PPM1L: variants seen among roughly 807,000 people sequenced by gnomAD.
PPM1L encodes protein phosphatase, Mg2+/Mn2+ dependent 1L.
A neutral mutation model predicts 31.4 loss-of-function variants in PPM1L; 13 were observed. That is an observed-to-expected ratio of 0.41 (90% CI 0.27 to 0.66). The LOEUF is 0.66. Ranked by LOEUF, PPM1L falls within the 30% of genes least tolerant of loss-of-function variation. The pLI, the probability that PPM1L is intolerant of heterozygous loss-of-function variation, is 0.29. For missense variants in PPM1L, 326 were observed against 453.7 expected (o/e 0.72, Z 2.56); for synonymous variants, 184 against 175.4 (o/e 1.05, Z -0.39).
intron 2 of PPM1L, among the ~76,000 whole-genome samples, chr3:160,980,408 G>A (rs115691112): frequency 2.0e-5 from 3 of 152,028 alleles, no homozygotes; most frequent in Non-Finnish European, 2.9e-5. Flanking sequence ...CAGGCACAGT[G>A]TCTCACGCCT....
In PPM1L at chr3:160,880,049, C is replaced by T. The variant is rs557701388; in HGVS notation, c.400-81687C>T. 8.5e-5 allele frequency among the ~76,000 whole-genome samples: 13 copies of T among 152,252 alleles called. No individual in the cohort carries two copies. The South Asian group carries it at 2.7e-3, about 32-fold the overall frequency. On this transcript the variant is annotated intron_variant, in intron 1 of 3. Coordinates refer to ENST00000498165, the MANE Select transcript of PPM1L (RefSeq NM_139245.4). ...AAAATGTCCACTTCTGTAAAAAGTG[C>T]TACCTGGTAGCACTTCTGATGTCAT... is the stretch of plus-strand genomic sequence containing the variant.
rs1164120248 is a variant in PPM1L at position 161,074,216 on chromosome 3, C to G, written c.*5059C>G. On this transcript the variant is annotated 3_prime_UTR_variant, in exon 4 of 4. Coordinates refer to ENST00000498165, the MANE Select transcript of PPM1L (RefSeq NM_139245.4). ...ATTTGAAATCAATTAGAGCTCATAC[C>G]TTCTAAAACTCCTGTCCCATATCAT... 6.6e-6 allele frequency: 1 copy of G among 152,130 alleles called. No individual in the cohort carries two copies. The highest frequency in any genetic ancestry group is 1.5e-5 in the Non-Finnish European group (1 of 68,016). 9.4% of individuals were successfully genotyped at this position (152,130 alleles called of 1,614,324 possible). A position where few individuals can be genotyped will look rare whatever the true frequency, so the allele number is the denominator to read the frequency against.
At chr3:160,913,975 G>A (rs1714066255) in intron 1 of PPM1L, among the ~76,000 whole-genome samples, 1 of 152,128 alleles carries the variant, frequency 6.6e-6, no homozygotes, top group Non-Finnish European at 1.5e-5. Context: ...TGTATGTTAA[G>A]TATATGTTTA....
Position 160,774,353 on chromosome 3 carries a change from C to T in PPM1L, c.399+17646C>T, listed in dbSNP as rs182599061. ...CTGCCACCATGCTAATTCAGGCTTT[C>T]AACACTTTACACTAGGATTGTGACA... is the stretch of plus-strand genomic sequence containing the variant. On this transcript the variant is annotated intron_variant, in intron 1 of 3. Coordinates refer to ENST00000498165, the MANE Select transcript of PPM1L (RefSeq NM_139245.4). Among the ~76,000 whole-genome samples, 250 of 152,262 alleles carry T rather than the reference C, an allele frequency of 1.6e-3. 1 individual carries two copies. The highest frequency in any genetic ancestry group is 2.8e-3 in the Non-Finnish European group (190 of 68,002).
chr3:160,954,615 C>G (rs892212415), intron 1 of PPM1L, among the ~76,000 whole-genome samples: 12 of 152,178 alleles, frequency 7.9e-5, no homozygotes, highest in African/African-American at 2.9e-4. Context: ...CCGCCCACCT[C>G]AGCCTCCCAA....
chr3:160,953,537 T>C (rs368385316), intron 1 of PPM1L, among the ~76,000 whole-genome samples: 16 of 152,366 alleles, frequency 1.1e-4, no homozygotes, highest in African/African-American at 3.6e-4. Flanking sequence ...ACACTTTTTT[T>C]CCCAGAGAAA....
intron 2 of PPM1L, among the ~76,000 whole-genome samples, chr3:161,000,208 G>T (rs573511305): frequency 2.0e-4 from 31 of 152,192 alleles, no homozygotes; most frequent in Non-Finnish European, 2.2e-4. Flanking sequence ...GTAATTAGAG[G>T]TTAGGTGATA....
chr3:161,066,394 T>G (rs1201563452), intron 3 of PPM1L, among the ~76,000 whole-genome samples: 5 of 151,826 alleles, frequency 3.3e-5, no homozygotes, highest in Admixed American at 3.3e-4. Context: ...AAAAAAATAG[T>G]AAAAGTAAGT....
intron 1 of PPM1L, among the ~76,000 whole-genome samples, chr3:160,856,458 T>C (rs989508170): frequency 1.3e-5 from 2 of 152,204 alleles, no homozygotes; most frequent in South Asian, 2.1e-4. Flanking sequence ...ATATACAGCA[T>C]AGAACACGAC....
chr3:160,914,076 C>A (rs1714069579), intron 1 of PPM1L, among the ~76,000 whole-genome samples: 1 of 152,162 alleles, frequency 6.6e-6, no homozygotes, highest in East Asian at 1.9e-4. Flanking sequence ...TCAAGTTCTT[C>A]CACATCTTTG....
chr3:160,974,132 T>A (rs1282615366), intron 2 of PPM1L, among the ~76,000 whole-genome samples: 1 of 149,964 alleles, frequency 6.7e-6, no homozygotes, highest in Admixed American at 6.7e-5. Context: ...TTTGGTTTTT[T>A]GTTCTTGCGA....
At chr3:160,894,640 C>G (rs558735772) in intron 1 of PPM1L, among the ~76,000 whole-genome samples, 3 of 152,146 alleles carry the variant, frequency 2.0e-5, no homozygotes, top group Non-Finnish European at 4.4e-5. Context: ...AGTTAGGAAC[C>G]CTGTAATTCC....
At chr3:160,916,816 A>G (rs1007202092) in intron 1 of PPM1L, among the ~76,000 whole-genome samples, 4 of 152,144 alleles carry the variant, frequency 2.6e-5, no homozygotes, top group African/African-American at 9.7e-5. Flanking sequence ...GATTAAGTCC[A>G]TGGAGCTTAT....
intron 1 of PPM1L, among the ~76,000 whole-genome samples, chr3:160,817,474 T>A (rs1175160356): frequency 2.6e-5 from 4 of 152,088 alleles, no homozygotes; most frequent in Non-Finnish European, 5.9e-5. Flanking sequence ...TGGATGTATA[T>A]GATTACCAAC....
intron 1 of PPM1L, among the ~76,000 whole-genome samples, chr3:160,816,090 T>G (rs1712986589): frequency 6.6e-6 from 1 of 152,156 alleles, no homozygotes; most frequent in African/African-American, 2.4e-5. Flanking sequence ...GATCTCTTAA[T>G]TTTTCCTTCA....
At chr3:160,873,634 GT>G (rs1341586067) in intron 1 of PPM1L, among the ~76,000 whole-genome samples, 3 of 151,892 alleles carry the variant, frequency 2.0e-5, no homozygotes, top group Non-Finnish European at 4.4e-5. Flanking sequence ...TCCAACCTCT[GT>G]CCCCCGGGTT....
chr3:161,056,379 G>T (rs1212936421), intron 2 of PPM1L, among the ~76,000 whole-genome samples: 1 of 151,994 alleles, frequency 6.6e-6, no homozygotes, highest in African/African-American at 2.4e-5. Flanking sequence ...CTCTGTAACG[G>T]GATTGTAAGT....
chr3:160,967,067 G>A (rs1576749308), intron 2 of PPM1L, among the ~76,000 whole-genome samples: 1 of 152,012 alleles, frequency 6.6e-6, no homozygotes, highest in Middle Eastern at 3.4e-3. Flanking sequence ...TTGAATCATG[G>A]GGGTGGGTTT....
At chr3:160,979,277 G>T (rs1332713339) in intron 2 of PPM1L, among the ~76,000 whole-genome samples, 1 of 151,894 alleles carries the variant, frequency 6.6e-6, no homozygotes, top group Non-Finnish European at 1.5e-5. Context: ...AGGGTTACAG[G>T]TGTCTGGACC....
Sources: gnomAD v4.1 joint callset for allele counts (sites outside exome capture counted in the v4.1 genomes callset) on GRCh38, gnomAD v4.1.1 for gene constraint, MANE v1.5 for transcripts, NCBI Gene and HGNC (gene_info 2026-07-23, HGNC 2026-07-21) for gene names.